OSBPL11: variants seen among roughly 807,000 people sequenced by gnomAD.
OSBPL11 encodes oxysterol-binding protein-related protein 11.
A neutral mutation model predicts 84.4 loss-of-function variants in OSBPL11; 33 were observed. The observed-to-expected ratio is 0.39, with a 90% confidence interval of 0.30 to 0.52. OSBPL11 has a LOEUF of 0.52. OSBPL11 is among the 20% of genes least tolerant of loss of function. The pLI is 0.72. For synonymous variants in OSBPL11, 276 were observed against 310.2 expected, an observed-to-expected ratio of 0.89 and a Z score of 1.16; for missense variants, 736 against 901.1, an observed-to-expected ratio of 0.82 and a Z score of 2.35.
At chr3:125,541,411 C>T (rs1039902908) in intron 10 of OSBPL11, among the ~76,000 whole-genome samples, 8 of 152,212 alleles carry the variant, frequency 5.3e-5, no homozygotes, top group Admixed American at 1.3e-4. Flanking sequence ...AGCATACACA[C>T]ACAAAAGGGT....
Position 125,532,155 on chromosome 3 carries a change from G to A in OSBPL11, c.2025-141C>T, listed in dbSNP as rs990335316. The A allele has an allele frequency of 1.2e-5, 10 of 808,366 alleles. 1 individual carries two copies. The highest frequency in any genetic ancestry group is 9.2e-5 in the South Asian group (4 of 43,612). The allele number at this position is 808,366 out of a possible 1,614,324, so 50.1% of individuals were successfully genotyped here. On this transcript the variant is annotated intron_variant, in intron 11 of 12. Coordinates refer to ENST00000296220, the MANE Select transcript of OSBPL11 (RefSeq NM_022776.5). The stretch of plus-strand genomic sequence containing the variant: ...ACAATGTCATGCTTATGAATTCCAA[G>A]AATAACGATACTGTGCTGCTGATGG...
chr3:125,557,791 C>CTTT (rs11295103), intron 8 of OSBPL11, among the ~76,000 whole-genome samples: 442 of 81,832 alleles, frequency 5.4e-3, no homozygotes, highest in African/African-American at 7.2e-3. Flanking sequence ...ATACAACTTT[C>CTTT]TTTTTTTTTT....
Position 125,530,458 on chromosome 3 carries a change from G to A in OSBPL11, c.*57C>T, listed in dbSNP as rs937157822. 96 of 1,487,434 alleles carry A rather than the reference G, an allele frequency of 6.5e-5. No individual in the cohort carries two copies. The highest frequency in any genetic ancestry group is 8.7e-5 in the Non-Finnish European group (93 of 1,065,686). 92.1% of individuals were successfully genotyped at this position (1,487,434 alleles called of 1,614,324 possible). The stretch of plus-strand genomic sequence containing the variant: ...ACTCAGTGCAATGACTCCATTCTGG[G>A]AGGATTTAGGGTAAACAGAGAAGAA... On this transcript the variant is annotated 3_prime_UTR_variant, in exon 13 of 13. Transcript: ENST00000296220.
Position 125,576,328 on chromosome 3 carries a change from G to A in OSBPL11, c.527C>T (p.Ala176Val). ...CGATATAGGAGAATTACTACTAGAT[G>A]CAAGTGAGAAGCTCCGTGACTTCAG... Reference protein sequence around the residue: ...PPLKSRSFSLASSSNSPISQR... With the variant: ...PPLKSRSFSLVSSSNSPISQR... Residue 176 changes from alanine (A) to valine (V), a missense_variant, in exon 5 of 13, where the codon GCA becomes GTA. By Grantham distance (64) the Ala-to-Val change is moderately conservative. Around this residue, in one of 3 missense-constraint regions of OSBPL11, gnomAD observed 579 missense variants for 717.6 expected, o/e 0.81. Coordinates refer to ENST00000296220, the MANE Select transcript of OSBPL11 (RefSeq NM_022776.5). The A allele has an allele frequency of 6.3e-7, 1 of 1,598,944 alleles. No homozygotes were observed. Among genetic ancestry groups the A allele is most frequent in the Non-Finnish European group, 8.5e-7 (1 of 1,176,268 alleles).
At position 125,560,500 on chromosome 3, in the gene OSBPL11, G is replaced by A. The variant is rs1936060310; in HGVS notation, c.1034C>T (p.Ala345Val). The change falls in exon 8 of 13, where the codon GCA (alanine) becomes GTA (valine). Residue 345 changes from alanine to valine, a missense_variant. Ala to Val is a moderately conservative substitution (Grantham distance 64). Coordinates refer to ENST00000296220, the MANE Select transcript of OSBPL11 (RefSeq NM_022776.5). ...LLAREPEEIN[A>V]DDEIEDTCDH... ...ACATGTATCCTCTATCTCATCATCT[G>A]CATTTATTTCTTCAGGCTCCTTGAT... The A allele has an allele frequency of 1.3e-6, 2 of 1,578,442 alleles. No homozygotes were observed. The highest frequency in any genetic ancestry group is 2.4e-5 in the South Asian group (2 of 83,612).
chr3:125,531,289 TTTTC>T (rs1425277681), intron 12 of OSBPL11, among the ~76,000 whole-genome samples: 1 of 136,294 alleles, frequency 7.3e-6, no homozygotes, highest in African/African-American at 2.7e-5. Context: ...CCCAGCTCAT[TTTTC>T]TTTTTTTTTT....
chr3:125,546,583 C>T (rs553070306), intron 10 of OSBPL11, among the ~76,000 whole-genome samples: 15 of 152,154 alleles, frequency 9.9e-5, no homozygotes, highest in African/African-American at 3.4e-4. Context: ...CCACCCATGA[C>T]TAAAAAATCA....
chr3:125,538,857 G>C (rs72979713), intron 10 of OSBPL11, among the ~76,000 whole-genome samples: 17,157 of 152,028 alleles, frequency 0.11, 2,162 homozygotes, highest in African/African-American at 0.32. Context: ...AAGGCCAGGA[G>C]TCAAATCAGA....
At chr3:125,574,220 A>G (rs1450632751) in intron 5 of OSBPL11, among the ~76,000 whole-genome samples, 1 of 151,970 alleles carries the variant, frequency 6.6e-6, no homozygotes, top group African/African-American at 2.4e-5. Flanking sequence ...AGGCAGTGAC[A>G]CCAAACCCAC....
rs1580025417 is a variant in OSBPL11, at chr3:125,529,582, C to T, written c.*933G>A. The T allele has an allele frequency of 6.6e-6, 1 of 152,214 alleles. No homozygotes were observed. The highest frequency in any genetic ancestry group is 2.4e-5 in the African/African-American group (1 of 41,302). The allele number at this position is 152,214 out of a possible 1,614,324, so 9.4% of individuals were successfully genotyped here. A position where few individuals can be genotyped will look rare whatever the true frequency, so the allele number is the denominator to read the frequency against. On this transcript the variant is annotated 3_prime_UTR_variant, in exon 13 of 13. Transcript: ENST00000296220. ...CAGAGGTAAAATAAAGCATACTTAT[C>T]CAAAGGGATAACACATAATACTGGA...
chr3:125,546,176 TG>T (rs71148186), intron 10 of OSBPL11, among the ~76,000 whole-genome samples: 8,930 of 125,684 alleles, frequency 0.071, 370 homozygotes, highest in African/African-American at 0.12. Context: ...TGTGTGTGTG[TG>T]TTTTTTTTTT....
At position 125,582,985 on chromosome 3, in the gene OSBPL11, C is replaced by T. The variant is rs1280451629; in HGVS notation, c.165-7G>A. On this transcript the variant is annotated splice_polypyrimidine_tract_variant and splice_region_variant and intron_variant, in intron 1 of 12. Coordinates refer to ENST00000296220, the MANE Select transcript of OSBPL11 (RefSeq NM_022776.5). The stretch of plus-strand genomic sequence containing the variant: ...CACATTTTCCATGTGATCACTATTT[C>T]AAAATGAAAAAGCCAAAGTTAGTAA... 1 of 1,572,172 alleles carries T rather than the reference C, an allele frequency of 6.4e-7. No individual in the cohort carries two copies. Among genetic ancestry groups the T allele is most frequent in the South Asian group, 1.2e-5 (1 of 83,108 alleles).
At chr3:125,574,941 A>G (rs948014274) in intron 5 of OSBPL11, among the ~76,000 whole-genome samples, 3 of 152,238 alleles carry the variant, frequency 2.0e-5, no homozygotes, top group Admixed American at 1.3e-4. Context: ...TCACCGATAT[A>G]TATTAGATTC....
In OSBPL11 at chr3:125,594,751, C is replaced by T. The variant is rs986206382; in HGVS notation, c.50G>A (p.Gly17Glu). 6.2e-7 allele frequency: 1 copy of T among 1,614,212 alleles called. No individual in the cohort carries two copies. The highest frequency in any genetic ancestry group is 8.5e-7 in the Non-Finnish European group (1 of 1,180,022). The change falls in exon 1 of 13, where the codon GGA becomes GAA. Residue 17 changes from glycine to glutamate, a missense_variant. Physicochemically the swap from Gly to Glu is moderately conservative, Grantham distance 98. Coordinates refer to ENST00000296220, the MANE Select transcript of OSBPL11 (RefSeq NM_022776.5). ...CGCTGTGGCCTGGCCCTCCAGCTTT[C>T]CTTCGCTCTCCGAGACTTTCATTGT... ...VSTMKVSESE[G>E]KLEGQATAVT...
chr3:125,567,351 G>T, intron 6 of OSBPL11, 43 bp downstream of exon 6: 1 of 1,481,806 alleles, frequency 6.7e-7, no homozygotes, highest in Non-Finnish European at 9.4e-7. Flanking sequence ...CTTTCCATGT[G>T]TTGGCCTTCA....
chr3:125,584,482 G>A (rs1448197345), intron 1 of OSBPL11, among the ~76,000 whole-genome samples: 2 of 152,214 alleles, frequency 1.3e-5, no homozygotes, highest in East Asian at 3.8e-4. Context: ...GTTTGAGGTA[G>A]TATACAACCT....
chr3:125,589,394 A>C (rs1936565039), intron 1 of OSBPL11, among the ~76,000 whole-genome samples: 2 of 151,802 alleles, frequency 1.3e-5, no homozygotes, highest in African/African-American at 4.8e-5. Context: ...CAAAAATGTA[A>C]GGAAACTAAG....
chr3:125,556,565 C>T (rs1439454786), intron 8 of OSBPL11, among the ~76,000 whole-genome samples: 1 of 152,208 alleles, frequency 6.6e-6, no homozygotes, highest in Non-Finnish European at 1.5e-5. Flanking sequence ...TTTTACAGGA[C>T]TCACAACTTT....
intron 10 of OSBPL11, among the ~76,000 whole-genome samples, chr3:125,541,220 C>A (rs1031074091): frequency 6.6e-6 from 1 of 152,148 alleles, no homozygotes; most frequent in African/African-American, 2.4e-5. Context: ...GCCATCCTTG[C>A]CCCTCCCCAA....
Sources: allele counts gnomAD v4.1 joint callset (sites outside exome capture counted in the v4.1 genomes callset), GRCh38; gene constraint gnomAD v4.1.1; regional missense constraint gnomAD v4.1.1; transcripts MANE v1.5; gene names NCBI Gene and HGNC (gene_info 2026-07-23, HGNC 2026-07-21).